Variants in SERGEF observed in about 807,000 individuals in gnomAD.
SERGEF encodes the protein secretion regulating guanine nucleotide exchange factor.
In SERGEF, 51 loss-of-function variants were observed where a neutral mutation model predicts 50.0. The observed-to-expected ratio is 1.02, with a 90% CI of 0.81 to 1.29. The LOEUF is 1.29. Ranked by LOEUF, SERGEF falls within the 50% of genes most tolerant of loss-of-function variation. The pLI, the probability that SERGEF is intolerant of heterozygous loss-of-function variation, is 0.00. For synonymous variants in SERGEF, 205 were observed against 212.4 expected (o/e 0.97, Z 0.30); for missense variants, 521 against 557.0 (o/e 0.94, Z 0.65).
intron 5 of SERGEF, among the ~76,000 whole-genome samples, chr11:17,996,817 A>G (rs1212680366): frequency 6.8e-6 from 1 of 147,578 alleles, no homozygotes; most frequent in African/African-American, 2.5e-5. Flanking sequence ...CTTCGAGAGG[A>G]AAAAAAAAAA....
At chr11:17,812,685 T>A (rs1187318514) in intron 10 of SERGEF, among the ~76,000 whole-genome samples, 2 of 152,228 alleles carry the variant, frequency 1.3e-5, no homozygotes, top group African/African-American at 4.8e-5. Context: ...CCTTTGACTG[T>A]AAACCCAAAG....
At chr11:17,943,353 T>C (rs887072949) in intron 9 of SERGEF, among the ~76,000 whole-genome samples, 1 of 152,184 alleles carries the variant, frequency 6.6e-6, no homozygotes, top group South Asian at 2.1e-4. Context: ...GTTGCTGAAT[T>C]TATAGGCATA....
Position 17,860,474 on chromosome 11 carries a change from T to A in SERGEF, c.1048+17734A>T, listed in dbSNP as rs76527113. On this transcript the variant is annotated intron_variant, in intron 10 of 10. Transcript: ENST00000265965. ...GATAAAATTTATTTTAAAATTGATA[T>A]CTTAAATAGACATTTAGTTTAGAAA... Among the ~76,000 whole-genome samples, 473 of 152,322 alleles carry A rather than the reference T, an allele frequency of 3.1e-3. 8 individuals carry two copies. The highest frequency in any genetic ancestry group is 0.011 in the African/African-American group (453 of 41,566).
At chr11:17,830,048 A>G (rs1850266039) in intron 10 of SERGEF, among the ~76,000 whole-genome samples, 3 of 152,184 alleles carry the variant, frequency 2.0e-5, no homozygotes, top group Admixed American at 2.0e-4. Context: ...CCTTGGTGAC[A>G]CCTTTCCTGA....
intron 9 of SERGEF, among the ~76,000 whole-genome samples, chr11:17,936,054 C>G (rs1317914186): frequency 6.6e-6 from 1 of 152,148 alleles, no homozygotes. Flanking sequence ...AATGGTAAAT[C>G]TGCCTGAAAT....
intron 9 of SERGEF, 88 bp downstream of exon 9, chr11:17,959,382 C>T (rs953149523): frequency 2.0e-5 from 24 of 1,226,364 alleles, no homozygotes; most frequent in Middle Eastern, 2.1e-4. Flanking sequence ...CTATCCATAA[C>T]GCCTGGCACA....
At chr11:17,912,811 C>G (rs994285379) in intron 9 of SERGEF, among the ~76,000 whole-genome samples, 1 of 152,168 alleles carries the variant, frequency 6.6e-6, no homozygotes. Flanking sequence ...CCTCTCGGCT[C>G]CAGCTTCAAC....
At chr11:17,882,428 AAAAAAAAAG>A (rs1851351794) in intron 9 of SERGEF, among the ~76,000 whole-genome samples, 1 of 151,208 alleles carries the variant, frequency 6.6e-6, no homozygotes, top group African/African-American at 2.4e-5. Flanking sequence ...CAAAAAAAAA[AAAAAAAAAG>A]AAAAAAAAAG....
chr11:17,962,695 C>T (rs1272278886), intron 8 of SERGEF, among the ~76,000 whole-genome samples: 7 of 152,056 alleles, frequency 4.6e-5, no homozygotes, highest in African/African-American at 9.7e-5. Flanking sequence ...AAGATATCAA[C>T]GTACCACAGA....
At chr11:17,810,965 T>C (rs1294667986) in intron 10 of SERGEF, among the ~76,000 whole-genome samples, 1 of 152,184 alleles carries the variant, frequency 6.6e-6, no homozygotes, top group East Asian at 1.9e-4. Context: ...CCAGTATCAG[T>C]GTTCTAGCCC....
At chr11:17,818,893 C>T (rs1850025712) in intron 10 of SERGEF, among the ~76,000 whole-genome samples, 2 of 152,186 alleles carry the variant, frequency 1.3e-5, no homozygotes, top group Non-Finnish European at 2.9e-5. Context: ...TTTGAACCTG[C>T]TGTTCCCTAT....
intron 10 of SERGEF, among the ~76,000 whole-genome samples, chr11:17,869,993 C>T (rs773202820): frequency 6.6e-6 from 1 of 152,116 alleles, no homozygotes; most frequent in Non-Finnish European, 1.5e-5. Flanking sequence ...AGGGAGAGAC[C>T]AGGTGGAGGT....
chr11:17,840,361 T>C (rs1394479672), intron 10 of SERGEF, among the ~76,000 whole-genome samples: 4 of 152,206 alleles, frequency 2.6e-5, no homozygotes, highest in Non-Finnish European at 5.9e-5. Context: ...CTATTTCACA[T>C]GGGTATTCAC....
chr11:18,008,841 A>C (rs1018543396), intron 1 of SERGEF, among the ~76,000 whole-genome samples: 1 of 152,066 alleles, frequency 6.6e-6, no homozygotes, highest in East Asian at 1.9e-4. Flanking sequence ...AGCGTGTTTC[A>C]AATAAATTAT....
At chr11:17,818,791 T>C (rs965925273) in intron 10 of SERGEF, among the ~76,000 whole-genome samples, 2 of 152,218 alleles carry the variant, frequency 1.3e-5, no homozygotes, top group African/African-American at 4.8e-5. Flanking sequence ...AGCATGGCAT[T>C]CAAGGCCTGG....
chr11:17,930,583 A>T (rs1257175555), intron 9 of SERGEF, among the ~76,000 whole-genome samples: 1 of 151,860 alleles, frequency 6.6e-6, no homozygotes, highest in Non-Finnish European at 1.5e-5. Context: ...AGCATACAAA[A>T]CTCCCTTCCC....
chr11:17,917,634 G>A (rs1051876064), intron 9 of SERGEF, among the ~76,000 whole-genome samples: 4 of 152,214 alleles, frequency 2.6e-5, no homozygotes, highest in African/African-American at 4.8e-5. Flanking sequence ...TACTGCATGA[G>A]TATATCATCA....
chr11:17,930,937 G>T (rs1402909010), intron 9 of SERGEF, among the ~76,000 whole-genome samples: 1 of 152,090 alleles, frequency 6.6e-6, no homozygotes, highest in Admixed American at 6.6e-5. Context: ...CTGAGCTGAC[G>T]TCTGCTACAC....
At chr11:17,831,032 T>C (rs1322368308) in intron 10 of SERGEF, among the ~76,000 whole-genome samples, 1 of 152,190 alleles carries the variant, frequency 6.6e-6, no homozygotes, top group Admixed American at 6.5e-5. Context: ...CTTTTCTATT[T>C]TCACGGTAAA....
Sources: allele counts gnomAD v4.1 joint callset (sites outside exome capture counted in the v4.1 genomes callset), GRCh38; gene constraint gnomAD v4.1.1; transcripts MANE v1.5; gene names NCBI Gene and HGNC (gene_info 2026-07-23, HGNC 2026-07-21).